SNTG1: variants seen among roughly 807,000 people sequenced by gnomAD.
The protein encoded by SNTG1 is syntrophin gamma 1.
SNTG1 carries 39 observed loss-of-function variants against 74.7 expected under a neutral mutation model. The observed-to-expected ratio is 0.52, with a 90% CI of 0.40 to 0.68. The LOEUF is 0.68. Ranked by LOEUF, SNTG1 falls within the 30% of genes least tolerant of loss-of-function variation. The pLI, the probability that SNTG1 is intolerant of heterozygous loss-of-function variation, is 0.00. For missense variants in SNTG1, 685 were observed against 609.5 expected (o/e 1.12, Z -1.30); for synonymous variants, 254 against 217.1 (o/e 1.17, Z -1.49).
intron 18 of SNTG1, 64 bp downstream of exon 18, chr8:50,752,175 G>A (rs1242377989): frequency 1.1e-5 from 10 of 891,164 alleles, no homozygotes; most frequent in Admixed American, 3.1e-5. Context: ...GGAACAAAGA[G>A]GGGAAACTTT....
chr8:50,719,878 G>A (rs2095483591), intron 17 of SNTG1, among the ~76,000 whole-genome samples: 2 of 152,218 alleles, frequency 1.3e-5, no homozygotes, highest in Admixed American at 1.3e-4. Flanking sequence ...CTCCTTAATA[G>A]ATTTCAAATA....
intron 2 of SNTG1, among the ~76,000 whole-genome samples, chr8:50,356,434 G>A (rs2091818592): frequency 2.0e-5 from 3 of 152,166 alleles, no homozygotes; most frequent in Non-Finnish European, 2.9e-5. Flanking sequence ...GTTCTATTGA[G>A]CAAATGCTCT....
At chr8:50,511,115 G>A (rs1419493347) in intron 9 of SNTG1, among the ~76,000 whole-genome samples, 4 of 152,146 alleles carry the variant, frequency 2.6e-5, no homozygotes, top group African/African-American at 7.2e-5. Context: ...GGCATGTTGT[G>A]TCTTTCTTCT....
chr8:50,147,509 G>A (rs1247897767), intron 1 of SNTG1, among the ~76,000 whole-genome samples: 1 of 152,140 alleles, frequency 6.6e-6, no homozygotes, highest in Admixed American at 6.6e-5. Flanking sequence ...AAATACACTA[G>A]GGTTTGACAA....
chr8:50,257,280 T>G (rs954557751), intron 2 of SNTG1, among the ~76,000 whole-genome samples: 2 of 152,124 alleles, frequency 1.3e-5, no homozygotes, highest in African/African-American at 2.4e-5. Context: ...AGCCCACTTA[T>G]AGGGTGTAGT....
At chr8:50,507,364 C>T (rs1235933803) in intron 9 of SNTG1, among the ~76,000 whole-genome samples, 2 of 152,080 alleles carry the variant, frequency 1.3e-5, no homozygotes, top group Non-Finnish European at 2.9e-5. Context: ...GCTTTCCCCT[C>T]ATCAAATTTT....
chr8:50,790,124 C>T (rs1172536000), intron 18 of SNTG1, among the ~76,000 whole-genome samples: 1 of 151,904 alleles, frequency 6.6e-6, no homozygotes, highest in Admixed American at 6.6e-5. Flanking sequence ...TTTGCTGTCT[C>T]CTCCGCTTTA....
At chr8:50,321,728 A>T (rs1229965960) in intron 2 of SNTG1, among the ~76,000 whole-genome samples, 1 of 111,782 alleles carries the variant, frequency 8.9e-6, no homozygotes, top group African/African-American at 2.5e-5. Flanking sequence ...AGGCTTGCAA[A>T]TAATATCTTA....
intron 1 of SNTG1, among the ~76,000 whole-genome samples, chr8:50,150,991 G>A (rs528763696): frequency 2.0e-5 from 3 of 152,208 alleles, no homozygotes; most frequent in Non-Finnish European, 4.4e-5. Flanking sequence ...AATGGTACCA[G>A]CTCCTCCTTG....
At chr8:50,399,763 T>TA (rs142190848) in intron 3 of SNTG1, among the ~76,000 whole-genome samples, 7,353 of 152,178 alleles carry the variant, frequency 0.048, 242 homozygotes, top group Non-Finnish European at 0.07. Flanking sequence ...TGACTTTGTG[T>TA]AAAAACATAG....
intron 12 of SNTG1, 74 bp from the exon 13 acceptor site, chr8:50,590,805 C>T: frequency 1.1e-6 from 1 of 920,794 alleles, no homozygotes; most frequent in Non-Finnish European, 1.7e-6. Context: ...TAAAAATAAT[C>T]TGCATAAAAT....
Position 50,449,660 on chromosome 8 carries a change from C to G in SNTG1, c.220-8C>G. On this transcript the variant is annotated splice_region_variant and splice_polypyrimidine_tract_variant and intron_variant, in intron 5 of 18. Transcript: ENST00000642720. ...TAAAAAGTACAATATATGATTTTCT[C>G]TTTTCAGGGAGGAGCAGAACATAAC... 6.3e-7 allele frequency: 1 copy of G among 1,581,008 alleles called. No individual in the cohort carries two copies. Among genetic ancestry groups the G allele is most frequent in the East Asian group, 2.3e-5 (1 of 44,052 alleles).
At chr8:50,601,148 G>A (rs370740073) in intron 13 of SNTG1, among the ~76,000 whole-genome samples, 37 of 54,478 alleles carry the variant, frequency 6.8e-4, no homozygotes, top group African/African-American at 2.9e-3. Flanking sequence ...CAGAGCCAGC[G>A]AGACAAAAAA....
chr8:50,125,834 C>G (rs1365945584), intron 1 of SNTG1, among the ~76,000 whole-genome samples: 1 of 152,124 alleles, frequency 6.6e-6, no homozygotes, highest in Non-Finnish European at 1.5e-5. Context: ...GTATGGCATG[C>G]TATGTGCCCA....
chr8:50,613,857 C>T (rs2094868133), intron 13 of SNTG1, among the ~76,000 whole-genome samples: 1 of 152,000 alleles, frequency 6.6e-6, no homozygotes, highest in Admixed American at 6.6e-5. Context: ...ATAGATTATA[C>T]CAAAATCCTT....
chr8:50,532,740 A>G (rs1283869649), intron 10 of SNTG1, among the ~76,000 whole-genome samples: 1 of 152,198 alleles, frequency 6.6e-6, no homozygotes, highest in African/African-American at 2.4e-5. Context: ...TGAAATAACA[A>G]CAGACAGTGG....
chr8:50,140,938 C>G (rs900450720), intron 1 of SNTG1, among the ~76,000 whole-genome samples: 5 of 152,144 alleles, frequency 3.3e-5, no homozygotes, highest in African/African-American at 1.2e-4. Context: ...TAATTATATT[C>G]TAAATCAGTG....
chr8:50,268,499 A>G (rs1012721152), intron 2 of SNTG1, among the ~76,000 whole-genome samples: 1 of 152,172 alleles, frequency 6.6e-6, no homozygotes, highest in African/African-American at 2.4e-5. Flanking sequence ...AAAAGAGAAT[A>G]AAGTGAGAAG....
chr8:50,794,784 A>G lies in SNTG1; in HGVS notation c.*1955A>G, dbSNP rs939121822. On this transcript the variant is annotated 3_prime_UTR_variant, in exon 19 of 19. Coordinates refer to ENST00000642720, the MANE Select transcript of SNTG1 (RefSeq NM_018967.5). ...GAATGTGTCCACAATCTGGAAGGCA[A>G]TATGACATGGGCTAATTATCCATAA... 1 of 152,054 alleles carries G rather than the reference A, an allele frequency of 6.6e-6. No individual in the cohort carries two copies. The highest frequency in any genetic ancestry group is 6.6e-5 in the Admixed American group (1 of 15,216). 9.4% of individuals were successfully genotyped at this position (152,054 alleles called of 1,614,324 possible).
Sources: allele counts gnomAD v4.1 joint callset (sites outside exome capture counted in the v4.1 genomes callset), GRCh38; gene constraint gnomAD v4.1.1; transcripts MANE v1.5; gene names NCBI Gene and HGNC (gene_info 2026-07-23, HGNC 2026-07-21).